Variants in LMO2 observed in about 807,000 individuals in gnomAD.
LMO2 encodes rhombotin-2.
Under a neutral mutation model 23.2 loss-of-function variants are expected in LMO2, and 20 were observed. That is an observed-to-expected ratio of 0.86 (90% confidence interval 0.61 to 1.25). The LOEUF (loss-of-function observed/expected upper bound fraction) is 1.25, where lower values mean the gene tolerates loss of function less well. Ranked by LOEUF, LMO2 falls within the 50% of genes most tolerant of loss-of-function variation. The pLI, the probability that LMO2 is intolerant of heterozygous loss-of-function variation, is 0.00. For missense variants in LMO2, 270 were observed against 315.3 expected, an observed-to-expected ratio of 0.86 and a Z score of 1.09; for synonymous variants, 123 against 130.2, an observed-to-expected ratio of 0.94 and a Z score of 0.38.
At chr11:33,870,873 G>C (rs1371932208) in intron 2 of LMO2, among the ~76,000 whole-genome samples, 1 of 152,204 alleles carries the variant, frequency 6.6e-6, no homozygotes, top group African/African-American at 2.4e-5. Context: ...CTTCTAGAAA[G>C]AGGCAGGAAC....
rs1034396945 is a variant in LMO2, at chr11:33,864,562, C to A, written c.464+40G>T. The A allele has an allele frequency of 3.2e-6, 5 of 1,557,582 alleles. No individual in the cohort carries two copies. Among genetic ancestry groups the A allele is most frequent in the Non-Finnish European group, 3.5e-6 (4 of 1,139,524 alleles). The stretch of plus-strand genomic sequence containing the variant: ...CTGCAGATGTCCATGGACCACCCAG[C>A]CTCCCTTCCGAGGGCCCAGTGGAGT... On this transcript the variant is annotated intron_variant, in intron 5 of 5. Transcript: ENST00000257818. This position sits in a 1 kb window ranked among gnomAD's most constrained non-coding sequence, Gnocchi z 4.8.
intron 4 of LMO2, chr11:33,865,052 C>A: frequency 1.7e-6 from 1 of 574,896 alleles, no homozygotes; most frequent in South Asian, 2.0e-5. Context: ...AAACACAGGG[C>A]ACCAAGAGGC....
At chr11:33,879,038 G>A (rs1482209328) in intron 2 of LMO2, among the ~76,000 whole-genome samples, 1 of 152,168 alleles carries the variant, frequency 6.6e-6, no homozygotes, top group Non-Finnish European at 1.5e-5. Context: ...GGCCACTCCA[G>A]AATCATTATT....
chr11:33,877,090 T>A (rs972631674), intron 2 of LMO2, among the ~76,000 whole-genome samples: 1 of 152,150 alleles, frequency 6.6e-6, no homozygotes, highest in Non-Finnish European at 1.5e-5. Flanking sequence ...TTAGTTCAAG[T>A]AAGGTGGGGT....
intron 5 of LMO2, among the ~76,000 whole-genome samples, chr11:33,859,937 C>T (rs1856509251): frequency 6.6e-6 from 1 of 152,234 alleles, no homozygotes; most frequent in East Asian, 1.9e-4. Context: ...CCAGGGGAAC[C>T]CTCATTTCAG....
rs956423055 is a variant in LMO2, at chr11:33,881,885, T to C, written c.-333A>G. The C allele has an allele frequency of 1.3e-5, 2 of 157,042 alleles. No individual in the cohort carries two copies. The highest frequency in any genetic ancestry group is 4.8e-5 in the African/African-American group (2 of 41,462). 9.7% of individuals were successfully genotyped at this position (157,042 alleles called of 1,614,324 possible). A position where few individuals can be genotyped will look rare whatever the true frequency, so the allele number is the denominator to read the frequency against. Reference sequence around the variant, plus strand: ...AAATATCTTCTTTTCAGAGCAGTTGTTACTGAAAGAAAATGAGAGGAACCC... The same window carrying C: ...AAATATCTTCTTTTCAGAGCAGTTGCTACTGAAAGAAAATGAGAGGAACCC... On this transcript the variant is annotated splice_region_variant and 5_prime_UTR_variant, in exon 2 of 6. Transcript: ENST00000257818.
chr11:33,859,138 T>C lies in LMO2; in HGVS notation c.*218A>G. 1.9e-6 allele frequency: 1 copy of C among 529,890 alleles called. No homozygotes were observed. 32.8% of individuals were successfully genotyped at this position (529,890 alleles called of 1,614,324 possible). On this transcript the variant is annotated 3_prime_UTR_variant, in exon 6 of 6. Coordinates refer to ENST00000257818, the MANE Select transcript of LMO2 (RefSeq NM_005574.4). ...CTATGGATGGGCTGTGGCCATAAGTTCTCCCTCAAGGGCTGGTCCTTCTGT... is the reference window on the plus strand; with the variant it reads ...CTATGGATGGGCTGTGGCCATAAGTCCTCCCTCAAGGGCTGGTCCTTCTGT...
rs1381307503 is a variant in LMO2 at position 33,864,313 on chromosome 11, C to G, written c.464+289G>C. Among the ~76,000 whole-genome samples, 1 of 152,170 alleles carries G rather than the reference C, an allele frequency of 6.6e-6. No homozygotes were observed. The highest frequency in any genetic ancestry group is 2.4e-5 in the African/African-American group (1 of 41,458). ...ATCCCATCCCCTAGCTTCTCCCGCT[C>G]CCCAAGGGAAGCACTTTTCTGAATT... On this transcript the variant is annotated intron_variant, in intron 5 of 5. Transcript: ENST00000257818. The surrounding 1 kb of genome is among the most constrained non-coding windows in gnomAD (Gnocchi z 4.8).
At position 33,859,386 on chromosome 11, in the gene LMO2, G is replaced by A. The variant is rs754240956; in HGVS notation, c.654C>T (p.Tyr218=). 42 of 1,613,894 alleles carry A rather than the reference G, an allele frequency of 2.6e-5. No individual in the cohort carries two copies. In the East Asian group the frequency reaches 6.5e-4, roughly 25 times the overall value. ...NSDIVCEQDI[Y]EWTKINGMI is the part of the protein sequence containing the mutation. ...TCATCCCATTGATCTTAGTCCACTC[G>A]TAGATGTCCTGTTCGCACACTATGT... Residue 218 remains tyrosine, a synonymous_variant, in exon 6 of 6, where the codon TAC becomes TAT. Coordinates refer to ENST00000257818, the MANE Select transcript of LMO2 (RefSeq NM_005574.4).
chr11:33,884,860 G>A (rs911283401), intron 1 of LMO2, among the ~76,000 whole-genome samples: 1 of 152,206 alleles, frequency 6.6e-6, no homozygotes, highest in African/African-American at 2.4e-5. Flanking sequence ...CTGCCACCCT[G>A]GCAGTTAGGG....
At chr11:33,871,129 T>C (rs528181206) in intron 2 of LMO2, 1 of 879,242 alleles carries the variant, frequency 1.1e-6, no homozygotes, top group African/African-American at 1.8e-5. Context: ...AGTTTACTAC[T>C]GCCTGCATGC....
At position 33,880,747 on chromosome 11, in the gene LMO2, C is replaced by CG; in HGVS notation, c.-272+1076_-272+1077insC. ...ACCATTCCCTAGGTGTAGCTCTGTT[C>CG]CTACATGCAAAATTTTACATATTGT... On this transcript the variant is annotated intron_variant, in intron 2 of 5. Transcript: ENST00000257818. This position sits in a 1 kb window ranked among gnomAD's most constrained non-coding sequence, Gnocchi z 4.3. The CG allele has an allele frequency of 5.7e-6, 1 of 174,684 alleles. No homozygotes were observed. Among genetic ancestry groups the CG allele is most frequent in the South Asian group, 1.3e-4 (1 of 7,906 alleles). The allele number at this position is 174,684 out of a possible 1,614,324, so 10.8% of individuals were successfully genotyped here.
chr11:33,877,450 G>C (rs899062001), intron 2 of LMO2, among the ~76,000 whole-genome samples: 1 of 144,058 alleles, frequency 6.9e-6, no homozygotes, highest in Admixed American at 7.1e-5. Flanking sequence ...CCTACAAGCT[G>C]TCTCCAGATT....
intron 1 of LMO2, among the ~76,000 whole-genome samples, chr11:33,883,856 C>T (rs890651463): frequency 9.9e-5 from 15 of 152,130 alleles, no homozygotes; most frequent in Non-Finnish European, 2.2e-4. Context: ...AATTAACAGC[C>T]GGTGATTTCA....
At chr11:33,883,705 T>A (rs1363383333) in intron 1 of LMO2, among the ~76,000 whole-genome samples, 2 of 152,196 alleles carry the variant, frequency 1.3e-5, no homozygotes, top group African/African-American at 2.4e-5. Flanking sequence ...TACTTTGAGC[T>A]ATACATAGAG....
Position 33,880,273 on chromosome 11 carries a change from C to CATGATATATATCATACATACAT in LMO2, c.-272+1550_-272+1551insATGTATGTATGATATATATCAT, listed in dbSNP as rs1170815749. Among the ~76,000 whole-genome samples, 119 of 113,362 alleles carry CATGATATATATCATACATACAT rather than the reference C, an allele frequency of 1.0e-3. 24 individuals are homozygous for CATGATATATATCATACATACAT. Among genetic ancestry groups the CATGATATATATCATACATACAT allele is most frequent in the Non-Finnish European group, 1.8e-3 (100 of 55,648 alleles). 74.4% of individuals were successfully genotyped at this position (113,362 alleles called of 152,430 possible). A position where few individuals can be genotyped will look rare whatever the true frequency, so the allele number is the denominator to read the frequency against. On this transcript the variant is annotated intron_variant, in intron 2 of 5. Coordinates refer to ENST00000257818, the MANE Select transcript of LMO2 (RefSeq NM_005574.4). The surrounding 1 kb of genome is among the most constrained non-coding windows in gnomAD (Gnocchi z 4.3). ...ACATGATATATATATCATACATACA[C>CATGATATATATCATACATACAT]ATGATATATATCATATATATCATAT...
In LMO2 at chr11:33,869,496, C is replaced by CCGCCGT. The variant is rs1309653499; in HGVS notation, c.92_97dup (p.Asp31_Gly32dup). 8 of 1,202,506 alleles carry CCGCCGT rather than the reference C, an allele frequency of 6.7e-6. No homozygotes were observed. Among genetic ancestry groups the CCGCCGT allele is most frequent in the Non-Finnish European group, 8.3e-6 (8 of 965,124 alleles). The allele number at this position is 1,202,506 out of a possible 1,614,324, so 74.5% of individuals were successfully genotyped here. On this transcript the variant is annotated inframe_insertion, in exon 4 of 6. Coordinates refer to ENST00000257818, the MANE Select transcript of LMO2 (RefSeq NM_005574.4). Reference sequence around the variant, plus strand: ...GGGTGCTCGGGCGCCGCCGCCGCCGCCGCCGTCGCCGCCGCTCCTGCGCCT... The same window carrying CCGCCGT: ...GGGTGCTCGGGCGCCGCCGCCGCCGCCGCCGTCGCCGTCGCCGCCGCTCCTGCGCCT...
intron 2 of LMO2, among the ~76,000 whole-genome samples, chr11:33,872,085 G>C (rs533749130): frequency 2.0e-5 from 3 of 152,142 alleles, no homozygotes; most frequent in Non-Finnish European, 4.4e-5. Flanking sequence ...GAGGTCAGGA[G>C]TTCATGACCA....
chr11:33,860,272 T>G (rs1260345679), intron 5 of LMO2, among the ~76,000 whole-genome samples: 1 of 152,188 alleles, frequency 6.6e-6, no homozygotes, highest in Non-Finnish European at 1.5e-5. Context: ...CGCTGCCCAC[T>G]GGCATGAATC....
Sources: allele counts gnomAD v4.1 joint callset (sites outside exome capture counted in the v4.1 genomes callset), GRCh38; gene constraint gnomAD v4.1.1; non-coding constraint Gnocchi (gnomAD v3.1); transcripts MANE v1.5; gene names NCBI Gene and HGNC (gene_info 2026-07-23, HGNC 2026-07-21).